The following SYNC variants were observed in gnomAD, a reference collection of about 807,000 sequenced individuals.
The protein encoded by SYNC is syncoilin, intermediate filament protein.
SYNC carries 38 observed loss-of-function variants against 49.5 expected under a neutral mutation model. That is an observed-to-expected ratio of 0.77 (90% CI 0.59 to 1.01). The LOEUF is 1.01. Among genes scored for constraint, SYNC ranks in the 50% least tolerant of loss-of-function variants. SYNC has a pLI of 0.00. For synonymous variants in SYNC, 201 were observed against 230.8 expected (o/e 0.87, Z 1.17); for missense variants, 579 against 580.6 (o/e 1.00, Z 0.03).
At chr1:32,690,054 G>A (rs1650087349) in intron 2 of SYNC, among the ~76,000 whole-genome samples, 1 of 151,960 alleles carries the variant, frequency 6.6e-6, no homozygotes, top group South Asian at 2.1e-4. Flanking sequence ...TTTAATGATG[G>A]TATAGCAACA....
chr1:32,684,351 C>A lies in SYNC; in HGVS notation c.1265G>T (p.Arg422Met). 6.2e-7 allele frequency: 1 copy of A among 1,614,168 alleles called. No individual in the cohort carries two copies. Among genetic ancestry groups the A allele is most frequent in the Non-Finnish European group, 8.5e-7 (1 of 1,180,034 alleles). The change falls in exon 3 of 5, where the codon AGG becomes ATG. Residue 422 changes from arginine to methionine, a missense_variant. Physicochemically the swap from Arg to Met is moderately conservative, Grantham distance 91 (BLOSUM62 -1). Transcript: ENST00000409190. The part of the protein sequence containing the change: ...EQLEEMEERQ[R>M]QLRNGVQLQQ... Reference sequence around the variant, plus strand: ...GAGTTGCACCCCATTTCTTAACTGCCTCTGGCGTTCTTCCATTTCCTCCAG... The same window carrying A: ...GAGTTGCACCCCATTTCTTAACTGCATCTGGCGTTCTTCCATTTCCTCCAG...
chr1:32,683,743 C>T (rs954951675), intron 4 of SYNC: 1 of 360,128 alleles, frequency 2.8e-6, no homozygotes, highest in Admixed American at 4.4e-5. Flanking sequence ...AGCGATTCTC[C>T]TGCCTTGGCC....
intron 1 of SYNC, among the ~76,000 whole-genome samples, chr1:32,699,474 T>C (rs930413192): frequency 5.3e-5 from 8 of 151,742 alleles, no homozygotes; most frequent in African/African-American, 1.9e-4. Flanking sequence ...CCTTTCTATC[T>C]TAGAAAGACT....
chr1:32,683,990 C>G lies in SYNC; in HGVS notation c.1438+20G>C. 1.3e-6 allele frequency: 2 copies of G among 1,596,562 alleles called. No homozygotes were observed. Among genetic ancestry groups the G allele is most frequent in the Non-Finnish European group, 1.7e-6 (2 of 1,165,296 alleles). On this transcript the variant is annotated intron_variant, in intron 4 of 4. Coordinates refer to ENST00000409190, the MANE Select transcript of SYNC (RefSeq NM_030786.3). ...AAGCAGTAACAATGCAAACACCACT[C>G]TTCTCTTCACAAAGATCACCTTGAG...
Position 32,691,554 on chromosome 1 carries a change from GA to G in SYNC, c.1233+3310del, listed in dbSNP as rs1211844978. On this transcript the variant is annotated intron_variant, in intron 2 of 4. Transcript: ENST00000409190. ...GGTGACAGAGGGAGACTCCATCTCA[GA>G]AAAAAAAAAAAAAGTAGCAAGGCAA... 2.5e-3 allele frequency among the ~76,000 whole-genome samples: 86 copies of G among 34,088 alleles called. 2 individuals are homozygous for G. The East Asian group carries it at 0.047, about 18-fold the overall frequency. The allele number at this position is 34,088 out of a possible 152,430, so 22.4% of individuals were successfully genotyped here.
upstream of SYNC, chr1:32,703,590 C>T (rs1227766041): frequency 3.3e-5 from 5 of 152,246 alleles, no homozygotes; most frequent in Non-Finnish European, 5.9e-5. Flanking sequence ...CCTTTTTCCA[C>T]TTAGCTACCC....
intron 2 of SYNC, 22 bp from the exon 3 acceptor site, chr1:32,684,404 A>G (rs1470725862): frequency 6.2e-7 from 1 of 1,613,826 alleles, no homozygotes; most frequent in Non-Finnish European, 8.5e-7. Flanking sequence ...GGCCAAGAAC[A>G]TTTCTAATGA....
At chr1:32,687,954 A>G (rs1418326754) in intron 2 of SYNC, among the ~76,000 whole-genome samples, 2 of 151,218 alleles carry the variant, frequency 1.3e-5, no homozygotes, top group African/African-American at 2.4e-5. Context: ...GGTTCAAGTG[A>G]TTCTCCTGTC....
rs781453787 is a variant in SYNC at position 32,694,865 on chromosome 1, C to T, written c.1233G>A (p.Arg411=). Reference sequence around the variant, plus strand: ...TTCTTTTCATGCCCAATGGGCCTACCCTGTACTGCTGCACCTCTTCATCTC... The same window carrying T: ...TTCTTTTCATGCCCAATGGGCCTACTCTGTACTGCTGCACCTCTTCATCTC... ...QKRDEEVQQY[R]EQLEEMEERQ... is the part of the protein sequence containing the mutation. Residue 411 remains arginine, a splice_region_variant and synonymous_variant, in exon 2 of 5, where the codon AGG becomes AGA. Transcript: ENST00000409190. The T allele has an allele frequency of 6.3e-7, 1 of 1,599,078 alleles. No individual in the cohort carries two copies. Among genetic ancestry groups the T allele is most frequent in the Non-Finnish European group, 8.5e-7 (1 of 1,173,856 alleles).
In SYNC at chr1:32,684,078, A is replaced by G; in HGVS notation, c.1370T>C (p.Leu457Pro). The G allele has an allele frequency of 1.2e-6, 2 of 1,613,362 alleles. No individual in the cohort carries two copies. Among genetic ancestry groups the G allele is most frequent in the Non-Finnish European group, 1.7e-6 (2 of 1,180,004 alleles). Reference sequence around the variant, plus strand: ...ATCAGCCTGTTCCAGGCTCTTGGGTAGTAGCATAGCCCTTTAAAAAGAGAG... The same window carrying G: ...ATCAGCCTGTTCCAGGCTCTTGGGTGGTAGCATAGCCCTTTAAAAAGAGAG... The part of the protein sequence containing the change: ...EELSTYKAML[L>P]PKSLEQADAP... The change falls in exon 4 of 5, where the codon CTA (leucine) becomes CCA (proline). Residue 457 changes from leucine to proline, a missense_variant. Leu to Pro is a moderately conservative substitution (Grantham distance 98). Coordinates refer to ENST00000409190, the MANE Select transcript of SYNC (RefSeq NM_030786.3).
chr1:32,686,710 C>T (rs752720695), intron 2 of SYNC, among the ~76,000 whole-genome samples: 1 of 152,160 alleles, frequency 6.6e-6, no homozygotes, highest in Non-Finnish European at 1.5e-5. Context: ...AAGTGGCTTA[C>T]TAGTTCATTC....
chr1:32,695,118 T>G lies in SYNC; in HGVS notation c.980A>C (p.Gln327Pro). 6.2e-7 allele frequency: 1 copy of G among 1,612,580 alleles called. No individual in the cohort carries two copies. ...FLQESRRLSAQFENLMAESRQ... is the reference protein window; with the variant it reads ...FLQESRRLSAPFENLMAESRQ... ...GCTCTCTGCCATGAGATTTTCAAAC[T>G]GGGCAGAGAGTCGCCGGCTTTCCTG... The change falls in exon 2 of 5, where the codon CAG becomes CCG. Residue 327 changes from glutamine (Q) to proline (P), a missense_variant. Coordinates refer to ENST00000409190, the MANE Select transcript of SYNC (RefSeq NM_030786.3).
At position 32,695,751 on chromosome 1, in the gene SYNC, T is replaced by C. The variant is rs1175269914; in HGVS notation, c.347A>G (p.Asp116Gly). Residue 116 changes from aspartate to glycine, a missense_variant, in exon 2 of 5, where the codon GAT becomes GGT. Coordinates refer to ENST00000409190, the MANE Select transcript of SYNC (RefSeq NM_030786.3). ...GGGCCCCTCCACAAACTGTATCCGA[T>C]CTGGCTCCGTGGTTTCCTCCACACA... ...TVCVEETTEP[D>G]RIQFVEGPVE... 1 of 1,551,476 alleles carries C rather than the reference T, an allele frequency of 6.4e-7. No individual in the cohort carries two copies. The highest frequency in any genetic ancestry group is 8.7e-7 in the Non-Finnish European group (1 of 1,147,008).
Position 32,680,123 on chromosome 1 carries a change from TAGG to T in SYNC, c.*1724_*1726del. ...AAAGATGTCACTTTTATTCAGGAAA[TAGG>T]GGGAGATTCAAGTCATATAGATTCC... On this transcript the variant is annotated 3_prime_UTR_variant, in exon 5 of 5. Coordinates refer to ENST00000409190, the MANE Select transcript of SYNC (RefSeq NM_030786.3). 1 of 1,066,994 alleles carries T rather than the reference TAGG, an allele frequency of 9.4e-7. No homozygotes were observed. The highest frequency in any genetic ancestry group is 1.7e-5 in the African/African-American group (1 of 59,310). The allele number at this position is 1,066,994 out of a possible 1,614,324, so 66.1% of individuals were successfully genotyped here.
rs1649441758 is a variant in SYNC at position 32,681,632 on chromosome 1, G to T, written c.*218C>A. 1.5e-6 allele frequency: 1 copy of T among 654,942 alleles called. No homozygotes were observed. The highest frequency in any genetic ancestry group is 2.7e-4 in the Middle Eastern group (1 of 3,758). The allele number at this position is 654,942 out of a possible 1,614,324, so 40.6% of individuals were successfully genotyped here. ...ATTGAGATCAGTATCAACAGCAGAT[G>T]AAATAGAATCCAGCAAAGAGTTGAC... On this transcript the variant is annotated 3_prime_UTR_variant, in exon 5 of 5. Transcript: ENST00000409190.
chr1:32,687,472 A>T (rs571184518), intron 2 of SYNC, among the ~76,000 whole-genome samples: 12 of 152,138 alleles, frequency 7.9e-5, no homozygotes, highest in Admixed American at 3.3e-4. Flanking sequence ...AGAGATCAAA[A>T]CCATCCCGGC....
At position 32,681,629 on chromosome 1, in the gene SYNC, G is replaced by T; in HGVS notation, c.*221C>A. On this transcript the variant is annotated 3_prime_UTR_variant, in exon 5 of 5. Transcript: ENST00000409190. The stretch of plus-strand genomic sequence containing the variant: ...TGCATTGAGATCAGTATCAACAGCA[G>T]ATGAAATAGAATCCAGCAAAGAGTT... 1 of 649,666 alleles carries T rather than the reference G, an allele frequency of 1.5e-6. No individual in the cohort carries two copies. The highest frequency in any genetic ancestry group is 2.7e-6 in the Non-Finnish European group (1 of 372,736). The allele number at this position is 649,666 out of a possible 1,614,324, so 40.2% of individuals were successfully genotyped here.
chr1:32,685,794 G>A (rs1182777551), intron 2 of SYNC: 1 of 152,226 alleles, frequency 6.6e-6, no homozygotes, highest in Non-Finnish European at 1.5e-5. Flanking sequence ...AGCTGTGACA[G>A]AGTGGAACAG....
Position 32,684,071 on chromosome 1 carries a change from C to T in SYNC, c.1377G>A (p.Lys459=), listed in dbSNP as rs144386956. The change falls in exon 4 of 5, where the codon AAG becomes AAA. Residue 459 remains lysine, a synonymous_variant. Coordinates refer to ENST00000409190, the MANE Select transcript of SYNC (RefSeq NM_030786.3). ...TGGGAGCATCAGCCTGTTCCAGGCT[C>T]TTGGGTAGTAGCATAGCCCTTTAAA... ...LSTYKAMLLP[K]SLEQADAPTS... 42 of 1,613,906 alleles carry T rather than the reference C, an allele frequency of 2.6e-5. No homozygotes were observed. Among genetic ancestry groups the T allele is most frequent in the Non-Finnish European group, 3.4e-5 (40 of 1,180,034 alleles).
Sources: gnomAD v4.1 joint callset for allele counts (sites outside exome capture counted in the v4.1 genomes callset) on GRCh38, gnomAD v4.1.1 for gene constraint, MANE v1.5 for transcripts, NCBI Gene and HGNC (gene_info 2026-07-23, HGNC 2026-07-21) for gene names.